CNTN4: variants seen among roughly 807,000 people sequenced by gnomAD.
CNTN4 encodes the protein contactin-4.
Under a neutral mutation model 122.5 loss-of-function variants are expected in CNTN4, and 77 were observed. That is an observed-to-expected ratio of 0.63 (90% CI 0.52 to 0.76). The LOEUF is 0.76. Ranked by LOEUF, CNTN4 falls within the 30% of genes least tolerant of loss-of-function variation. The pLI is 0.00. For missense variants in CNTN4, 1,256 were observed against 1,259.1 expected, an observed-to-expected ratio of 1.00 and a Z score of 0.04; for synonymous variants, 512 against 447.0, an observed-to-expected ratio of 1.15 and a Z score of -1.83.
At chr3:2,186,688 T>C (rs550639631) in intron 2 of CNTN4, among the ~76,000 whole-genome samples, 7 of 152,376 alleles carry the variant, frequency 4.6e-5, no homozygotes, top group Admixed American at 3.9e-4. Context: ...TCAGTGATGA[T>C]GAGCATTTTT....
intron 2 of CNTN4, among the ~76,000 whole-genome samples, chr3:2,301,798 A>G (rs901730082): frequency 6.6e-6 from 1 of 152,250 alleles, no homozygotes; most frequent in Non-Finnish European, 1.5e-5. Context: ...TCCATAAGGT[A>G]TTCAGACTGG....
At chr3:2,803,361 A>G (rs929501802) in intron 6 of CNTN4, among the ~76,000 whole-genome samples, 1 of 152,180 alleles carries the variant, frequency 6.6e-6, no homozygotes, top group East Asian at 1.9e-4. Flanking sequence ...GATTGTGTAA[A>G]TATCTTGTGA....
intron 4 of CNTN4, among the ~76,000 whole-genome samples, chr3:2,572,602 A>G (rs745803757): frequency 2.0e-5 from 3 of 152,204 alleles, no homozygotes; most frequent in Admixed American, 6.5e-5. Flanking sequence ...TTTGTTATTC[A>G]GAGTGTCAAG....
rs561310109 is a variant in CNTN4 at position 2,341,341 on chromosome 3, T to C, written c.-89+2108T>C. Among the ~76,000 whole-genome samples, 8 of 152,298 alleles carry C rather than the reference T, an allele frequency of 5.3e-5. 1 individual carries two copies. The highest frequency in any genetic ancestry group is 1.9e-4 in the African/African-American group (8 of 41,572). ...ATTGTCTTGTAATTGCTAGCTTAAT[T>C]ATCTTACCCTCCCACTGTGAACTTC... On this transcript the variant is annotated intron_variant, in intron 3 of 24. Coordinates refer to ENST00000418658, the MANE Select transcript of CNTN4 (RefSeq NM_175607.3).
intron 2 of CNTN4, among the ~76,000 whole-genome samples, chr3:2,112,483 A>G (rs1233881985): frequency 6.6e-6 from 1 of 152,182 alleles, no homozygotes; most frequent in Non-Finnish European, 1.5e-5. Context: ...AGTTTAACAT[A>G]TCTGAAGAGA....
chr3:2,313,430 G>C (rs2042982331), intron 2 of CNTN4, among the ~76,000 whole-genome samples: 1 of 151,974 alleles, frequency 6.6e-6, no homozygotes, highest in African/African-American at 2.4e-5. Context: ...AATGCAGTGT[G>C]CTGTCATCTT....
At position 2,883,210 on chromosome 3, in the gene CNTN4, G is replaced by A. The variant is rs1316109477; in HGVS notation, c.718G>A (p.Gly240Arg). The change falls in exon 9 of 25, where the codon GGA becomes AGA. Residue 240 changes from glycine (G) to arginine (R), a missense_variant. Coordinates refer to ENST00000418658, the MANE Select transcript of CNTN4 (RefSeq NM_175607.3). ...CCCAGAAACAGTTCCGACTGCAAAA[G>A]GAGCAACGGTGAAGCTGGAATGCTT... The part of the protein sequence containing the change: ...QFPETVPTAK[G>R]ATVKLECFAL... 3 of 1,613,844 alleles carry A rather than the reference G, an allele frequency of 1.9e-6. No individual in the cohort carries two copies. In the East Asian group the frequency reaches 6.7e-5, roughly 36 times the overall value.
chr3:2,537,578 A>G (rs968293400), intron 3 of CNTN4, among the ~76,000 whole-genome samples: 5 of 152,088 alleles, frequency 3.3e-5, no homozygotes, highest in African/African-American at 1.2e-4. Context: ...TGTCATATGT[A>G]TCTGCTTGGA....
chr3:2,730,356 T>C (rs895932685), intron 4 of CNTN4, among the ~76,000 whole-genome samples: 2 of 152,226 alleles, frequency 1.3e-5, no homozygotes, highest in Non-Finnish European at 2.9e-5. Flanking sequence ...CAAAAAGTTT[T>C]GGATTTTGGA....
At chr3:2,626,702 G>A (rs1006869628) in intron 4 of CNTN4, among the ~76,000 whole-genome samples, 1 of 152,094 alleles carries the variant, frequency 6.6e-6, no homozygotes, top group Admixed American at 6.5e-5. Flanking sequence ...AAAATTACTT[G>A]TGATAACCCA....
intron 2 of CNTN4, among the ~76,000 whole-genome samples, chr3:2,213,266 A>G (rs887981219): frequency 2.0e-5 from 3 of 152,178 alleles, no homozygotes; most frequent in Non-Finnish European, 4.4e-5. Flanking sequence ...GTTCAACACT[A>G]CGGAGAATCT....
chr3:2,901,334 C>T (rs1194306637), intron 11 of CNTN4, among the ~76,000 whole-genome samples: 3 of 152,198 alleles, frequency 2.0e-5, no homozygotes, highest in African/African-American at 7.2e-5. Context: ...ACATTTTCCT[C>T]AGGCTCCAAA....
chr3:2,576,634 A>G (rs1334393280), intron 4 of CNTN4, among the ~76,000 whole-genome samples: 2 of 148,586 alleles, frequency 1.3e-5, no homozygotes, highest in East Asian at 4.0e-4. Context: ...TGCAACCTCC[A>G]TCTCCCAGGT....
At chr3:2,935,966 A>G (rs1037597397) in intron 13 of CNTN4, among the ~76,000 whole-genome samples, 206 of 152,334 alleles carry the variant, frequency 1.4e-3, no homozygotes, top group African/African-American at 4.6e-3. Flanking sequence ...AAAGAAATGT[A>G]TTTGAAAGGA....
chr3:2,858,353 G>A (rs1448298472), intron 7 of CNTN4, among the ~76,000 whole-genome samples: 2 of 152,176 alleles, frequency 1.3e-5, no homozygotes, highest in Admixed American at 1.3e-4. Context: ...AGAACCACTT[G>A]TTATAGTGGA....
chr3:2,768,123 T>C (rs1381383308), intron 6 of CNTN4, among the ~76,000 whole-genome samples: 1 of 152,216 alleles, frequency 6.6e-6, no homozygotes, highest in Non-Finnish European at 1.5e-5. Flanking sequence ...GCTTTGAGTG[T>C]CATTGCCATT....
At chr3:2,446,895 G>T (rs144930954) in intron 3 of CNTN4, among the ~76,000 whole-genome samples, 1 of 152,084 alleles carries the variant, frequency 6.6e-6, no homozygotes, top group African/African-American at 2.4e-5. Flanking sequence ...CAATATAATC[G>T]TTCTTCCCTT....
At chr3:2,629,049 G>A (rs776830986) in intron 4 of CNTN4, among the ~76,000 whole-genome samples, 4 of 152,106 alleles carry the variant, frequency 2.6e-5, no homozygotes, top group African/African-American at 9.7e-5. Context: ...CTTAAGAAGC[G>A]GTATCTGAAA....
intron 4 of CNTN4, among the ~76,000 whole-genome samples, chr3:2,624,934 C>G (rs6772603): frequency 0.19 from 29,032 of 151,822 alleles, 3,813 homozygotes; most frequent in African/African-American, 0.36. Flanking sequence ...GGCCTGGCCT[C>G]TGATTCTTAA....
Sources: gnomAD v4.1 joint callset for allele counts (sites outside exome capture counted in the v4.1 genomes callset) on GRCh38, gnomAD v4.1.1 for gene constraint, MANE v1.5 for transcripts, NCBI Gene and HGNC (gene_info 2026-07-23, HGNC 2026-07-21) for gene names.